Variants in THSD7B observed in about 807,000 individuals in gnomAD.
THSD7B encodes the protein thrombospondin type-1 domain-containing protein 7B.
In THSD7B, 138 loss-of-function variants were observed where a neutral mutation model predicts 213.6. The ratio of observed to expected loss-of-function variants is 0.65; its 90% CI spans 0.56 to 0.74. The LOEUF is 0.74. Ranked by LOEUF, THSD7B falls within the 30% of genes least tolerant of loss-of-function variation. THSD7B has a pLI of 0.00. For missense variants in THSD7B, 1,931 were observed against 1,991.5 expected, an observed-to-expected ratio of 0.97 and a Z score of 0.58; for synonymous variants, 742 against 687.0, an observed-to-expected ratio of 1.08 and a Z score of -1.25.
At chr2:137,551,113 C>T (rs1300562914) in intron 15 of THSD7B, among the ~76,000 whole-genome samples, 1 of 151,860 alleles carries the variant, frequency 6.6e-6, no homozygotes, top group East Asian at 1.9e-4. Context: ...TTCAGAACTT[C>T]TCAGAAAAAA....
intron 12 of THSD7B, among the ~76,000 whole-genome samples, chr2:137,337,263 G>T (rs1049625538): frequency 6.6e-6 from 1 of 151,898 alleles, no homozygotes; most frequent in Non-Finnish European, 1.5e-5. Context: ...GCATTTAGTT[G>T]TCATGCATTC....
At chr2:136,870,717 A>G (rs1683418262) in intron 1 of THSD7B, among the ~76,000 whole-genome samples, 1 of 152,184 alleles carries the variant, frequency 6.6e-6, no homozygotes, top group Non-Finnish European at 1.5e-5. Flanking sequence ...AACAAGAAAG[A>G]GGCCAGTGTG....
intron 1 of THSD7B, among the ~76,000 whole-genome samples, chr2:136,830,041 T>C (rs1380114087): frequency 6.6e-6 from 1 of 152,074 alleles, no homozygotes; most frequent in African/African-American, 2.4e-5. Context: ...CAGACACAAA[T>C]CTAGTTGTGT....
intron 12 of THSD7B, among the ~76,000 whole-genome samples, chr2:137,285,070 G>C (rs1488123499): frequency 6.6e-6 from 1 of 152,184 alleles, no homozygotes; most frequent in Admixed American, 6.5e-5. Context: ...CTTGCTTTAT[G>C]AATCTGGGTG....
chr2:137,269,375 AC>A (rs1199627623), intron 10 of THSD7B, among the ~76,000 whole-genome samples: 1 of 152,210 alleles, frequency 6.6e-6, no homozygotes, highest in Non-Finnish European at 1.5e-5. Context: ...GCGAGTGTGT[AC>A]CGTATGTGTA....
intron 9 of THSD7B, among the ~76,000 whole-genome samples, chr2:137,233,958 G>A (rs575752597): frequency 1.3e-5 from 2 of 152,322 alleles, no homozygotes; most frequent in Middle Eastern, 3.4e-3. Flanking sequence ...TGGGCCACTA[G>A]GATGAGCTGG....
chr2:136,890,497 CTTCTCCTTTCTTCTTCTTCT>C lies in THSD7B; in HGVS notation c.139+8185_139+8204del, dbSNP rs1683822274. ...CCTTTCTTCTCCTTTCTTCTCCTTT[CTTCTCCTTTCTTCTTCTTCT>C]TTCTTCTTCTTCTTCTTCTTCTTCT... On this transcript the variant is annotated intron_variant, in intron 2 of 27. Transcript: ENST00000409968. Among the ~76,000 whole-genome samples the C allele has an allele frequency of 6.8e-5, 2 of 29,552 alleles. 1 individual carries two copies. The highest frequency in any genetic ancestry group is 3.3e-4 in the African/African-American group (2 of 6,078). 19.4% of individuals were successfully genotyped at this position (29,552 alleles called of 152,430 possible). A position where few individuals can be genotyped will look rare whatever the true frequency, so the allele number is the denominator to read the frequency against.
chr2:136,959,305 A>G (rs1481977060), intron 2 of THSD7B, among the ~76,000 whole-genome samples: 1 of 152,234 alleles, frequency 6.6e-6, no homozygotes, highest in Non-Finnish European at 1.5e-5. Flanking sequence ...AGATGGAAAC[A>G]GATAAGCTGT....
chr2:137,586,540 T>A (rs893092412), intron 17 of THSD7B, among the ~76,000 whole-genome samples: 35 of 152,166 alleles, frequency 2.3e-4, no homozygotes, highest in Non-Finnish European at 4.3e-4. Flanking sequence ...GGTGGTGACA[T>A]AATCTCTCAG....
At chr2:136,779,194 ATATATGTGTGTGTGTGTG>A (rs1183772852) in intron 1 of THSD7B, among the ~76,000 whole-genome samples, 6 of 76,692 alleles carry the variant, frequency 7.8e-5, no homozygotes, top group East Asian at 1.4e-3. Context: ...GGCTATATAT[ATATATGTGTGTGTGTGTG>A]TGTGTGTGTG....
chr2:137,551,665 T>G (rs547838499), intron 15 of THSD7B, among the ~76,000 whole-genome samples: 1 of 152,354 alleles, frequency 6.6e-6, no homozygotes, highest in African/African-American at 2.4e-5. Context: ...TTATTTAGTA[T>G]TATTAGTTTC....
At chr2:137,353,152 A>G (rs1685050624) in intron 12 of THSD7B, among the ~76,000 whole-genome samples, 1 of 152,112 alleles carries the variant, frequency 6.6e-6, no homozygotes, top group Non-Finnish European at 1.5e-5. Flanking sequence ...TTTTCAAAAG[A>G]CAGGGAGGCA....
chr2:137,028,430 C>G (rs1398394673), intron 2 of THSD7B, among the ~76,000 whole-genome samples: 2 of 152,146 alleles, frequency 1.3e-5, no homozygotes, highest in Non-Finnish European at 2.9e-5. Flanking sequence ...AAATATGTCA[C>G]TTAAAGGGAA....
chr2:137,142,448 TTTG>T (rs139185076), intron 5 of THSD7B, among the ~76,000 whole-genome samples: 5,012 of 152,070 alleles, frequency 0.033, 274 homozygotes, highest in African/African-American at 0.11. Context: ...AACATTCGTT[TTTG>T]TTGTTGTTGT....
At chr2:137,373,446 C>A (rs1258719950) in intron 12 of THSD7B, among the ~76,000 whole-genome samples, 1 of 152,236 alleles carries the variant, frequency 6.6e-6, no homozygotes, top group Non-Finnish European at 1.5e-5. Flanking sequence ...CTCTGATGGC[C>A]AGTGATGGTG....
At chr2:137,395,374 G>C (rs903029176) in intron 12 of THSD7B, among the ~76,000 whole-genome samples, 14 of 150,280 alleles carry the variant, frequency 9.3e-5, no homozygotes, top group African/African-American at 2.9e-4. Flanking sequence ...TAGCATGAAG[G>C]GTTGTTGAAT....
At chr2:137,281,503 AC>A (rs1170317423) in intron 12 of THSD7B, among the ~76,000 whole-genome samples, 1 of 151,900 alleles carries the variant, frequency 6.6e-6, no homozygotes, top group African/African-American at 2.4e-5. Flanking sequence ...GGTGTGCTGC[AC>A]CCACTAACTC....
At chr2:136,996,367 G>A (rs1354414960) in intron 2 of THSD7B, among the ~76,000 whole-genome samples, 1 of 149,276 alleles carries the variant, frequency 6.7e-6, no homozygotes, top group East Asian at 2.0e-4. Context: ...TTTCAGACAA[G>A]GTCTTGCTTT....
intron 2 of THSD7B, among the ~76,000 whole-genome samples, chr2:136,941,674 A>G (rs1277560845): frequency 6.6e-6 from 1 of 152,126 alleles, no homozygotes; most frequent in Non-Finnish European, 1.5e-5. Flanking sequence ...GTGTCTGTTC[A>G]TATCCTTTGC....
Sources: allele counts gnomAD v4.1 joint callset (sites outside exome capture counted in the v4.1 genomes callset), GRCh38; gene constraint gnomAD v4.1.1; transcripts MANE v1.5; gene names NCBI Gene and HGNC (gene_info 2026-07-23, HGNC 2026-07-21).